FAT3: variants seen among roughly 807,000 people sequenced by gnomAD.
FAT3 encodes the protein protocadherin Fat 3.
A neutral mutation model predicts 310.2 loss-of-function variants in FAT3; 95 were observed. The ratio of observed to expected loss-of-function variants is 0.31; its 90% CI spans 0.26 to 0.36. The LOEUF (loss-of-function observed/expected upper bound fraction) is 0.36, where lower values mean the gene tolerates loss of function less well. FAT3 is among the 10% of genes least tolerant of loss of function. The pLI, the probability that FAT3 is intolerant of heterozygous loss-of-function variation, is 1.00. For missense variants in FAT3, 5,408 were observed against 5,715.6 expected (o/e 0.95, Z 1.74); for synonymous variants, 2,314 against 2,192.9 (o/e 1.06, Z -1.54).
intron 2 of FAT3, among the ~76,000 whole-genome samples, chr11:92,418,767 T>A (rs2134967578): frequency 6.6e-6 from 1 of 152,270 alleles, no homozygotes; most frequent in African/African-American, 2.4e-5. Context: ...TGGATTCTTT[T>A]CTGAATCAAA....
intron 1 of FAT3, among the ~76,000 whole-genome samples, chr11:92,311,070 A>G (rs1019452851): frequency 6.6e-6 from 1 of 151,924 alleles, no homozygotes; most frequent in African/African-American, 2.4e-5. Context: ...ATATGTGTAC[A>G]TATACACACA....
intron 1 of FAT3, among the ~76,000 whole-genome samples, chr11:92,233,091 A>G (rs568981316): frequency 4.6e-5 from 7 of 152,322 alleles, no homozygotes; most frequent in Non-Finnish European, 1.0e-4. Flanking sequence ...TTTGATGATT[A>G]TAAGTGCCTG....
Position 92,685,247 on chromosome 11 carries a change from A to G in FAT3, c.3608-12137A>G, listed in dbSNP as rs1943598166. Among the ~76,000 whole-genome samples the G allele has an allele frequency of 2.0e-5, 3 of 152,240 alleles. No individual in the cohort carries two copies. In the South Asian group the frequency reaches 6.2e-4, roughly 31 times the overall value. On this transcript the variant is annotated intron_variant, in intron 3 of 27. Coordinates refer to ENST00000525166, the MANE Select transcript of FAT3 (RefSeq NM_001367949.2). ...GAGGAATAAAATACATATCAAAAAGAATCAAGATAAACTCATTAGCACTGG... is the reference window on the plus strand; with the variant it reads ...GAGGAATAAAATACATATCAAAAAGGATCAAGATAAACTCATTAGCACTGG...
At position 92,354,551 on chromosome 11, in the gene FAT3, A is replaced by T. The variant is rs372363680; in HGVS notation, c.2439A>T (p.Ser813=). The part of the protein sequence containing the change: ...IYDLGNPQKS[S]WRLLTINVED... ...ACTTAGGTAATCCACAGAAATCGTC[A>T]TGGAGACTGCTGACCATCAATGTGG... is the stretch of plus-strand genomic sequence containing the variant. Residue 813 remains serine (S), a synonymous_variant, in exon 2 of 28, where the codon TCA becomes TCT. Coordinates refer to ENST00000525166, the MANE Select transcript of FAT3 (RefSeq NM_001367949.2). 1.4e-5 allele frequency: 23 copies of T among 1,613,788 alleles called. No homozygotes were observed. The highest frequency in any genetic ancestry group is 1.8e-5 in the Non-Finnish European group (21 of 1,179,878).
intron 3 of FAT3, among the ~76,000 whole-genome samples, chr11:92,548,239 G>C (rs1265891747): frequency 6.6e-6 from 1 of 152,108 alleles, no homozygotes; most frequent in Non-Finnish European, 1.5e-5. Flanking sequence ...TGCCCCTCAG[G>C]AAAATGGAGA....
rs757999627 is a variant in FAT3 at position 92,798,409 on chromosome 11, G to A, written c.5396G>A (p.Arg1799Gln). 60 of 1,612,884 alleles carry A rather than the reference G, an allele frequency of 3.7e-5. No individual in the cohort carries two copies. The highest frequency in any genetic ancestry group is 5.0e-5 in the Admixed American group (3 of 59,944). Residue 1799 changes from arginine (R) to glutamine (Q), a missense_variant, in exon 10 of 28, where the codon CGA (arginine) becomes CAA (glutamine). Around this residue, in one of 5 missense-constraint regions of FAT3, gnomAD observed 4,588 missense variants for 4,809.8 expected, o/e 0.95. Coordinates refer to ENST00000525166, the MANE Select transcript of FAT3 (RefSeq NM_001367949.2). ...RSLDNSPLVI[R>Q]ATDADSNRNA... ...TTGGATAACAGCCCACTGGTGATTC[G>A]AGCCACAGATGCTGACAGCAACCGG...
At chr11:92,823,546 A>G (rs1434627835) in intron 13 of FAT3, among the ~76,000 whole-genome samples, 1 of 152,186 alleles carries the variant, frequency 6.6e-6, no homozygotes, top group Admixed American at 6.5e-5. Flanking sequence ...TGTTTAAACA[A>G]GAGTCCCTGT....
chr11:92,828,127 T>A (rs1369386992), intron 13 of FAT3, among the ~76,000 whole-genome samples: 1 of 151,860 alleles, frequency 6.6e-6, no homozygotes, highest in Non-Finnish European at 1.5e-5. Flanking sequence ...CTTGGGTTCA[T>A]CATTTCTGCT....
intron 1 of FAT3, among the ~76,000 whole-genome samples, chr11:92,268,228 G>T (rs1347999260): frequency 6.6e-6 from 1 of 152,012 alleles, no homozygotes; most frequent in Non-Finnish European, 1.5e-5. Flanking sequence ...AGAGGTTGAG[G>T]ACCTTGCCCA....
intron 4 of FAT3, among the ~76,000 whole-genome samples, chr11:92,758,935 G>T (rs1157253866): frequency 1.3e-5 from 2 of 151,942 alleles, no homozygotes; most frequent in African/African-American, 4.8e-5. Context: ...AAAGGAGGAG[G>T]TTTGAGGGTA....
chr11:92,274,524 T>C (rs2134345063), intron 1 of FAT3, among the ~76,000 whole-genome samples: 3 of 152,172 alleles, frequency 2.0e-5, no homozygotes, highest in Admixed American at 2.0e-4. Context: ...TTTCAACTCT[T>C]GTCTTCTGTA....
In FAT3 at chr11:92,531,863, G is replaced by A. The variant is rs555013380; in HGVS notation, c.3607+6915G>A. On this transcript the variant is annotated intron_variant, in intron 3 of 27. Coordinates refer to ENST00000525166, the MANE Select transcript of FAT3 (RefSeq NM_001367949.2). ...TGGTCACATAATTCTTCGTCGTGGG[G>A]AGCTGTTCTATATGTTATATAAGAT... Among the ~76,000 whole-genome samples the A allele has an allele frequency of 3.3e-5, 5 of 152,156 alleles. 1 individual carries two copies. The East Asian group carries it at 7.7e-4, about 24-fold the overall frequency.
chr11:92,863,785 A>G (rs3847552), intron 21 of FAT3, among the ~76,000 whole-genome samples: 115,221 of 152,176 alleles, frequency 0.76, 44,098 homozygotes, highest in South Asian at 0.9. Context: ...ATTTTCCAGT[A>G]TAAGAGAACA....
intron 4 of FAT3, among the ~76,000 whole-genome samples, chr11:92,703,761 C>T (rs988547175): frequency 2.0e-5 from 3 of 152,236 alleles, no homozygotes; most frequent in Admixed American, 6.5e-5. Flanking sequence ...GGGCCAAGTA[C>T]TAAGGTTTTC....
chr11:92,513,363 A>G (rs889772799), intron 2 of FAT3, among the ~76,000 whole-genome samples: 2 of 152,198 alleles, frequency 1.3e-5, no homozygotes, highest in African/African-American at 2.4e-5. Context: ...AATCTTATAC[A>G]GGTCCAAGGA....
chr11:92,524,807 G>A lies in FAT3; in HGVS notation c.3466G>A (p.Val1156Ile). Reference protein sequence around the residue: ...PLTSEPIYYPVVMENSPKDVS... With the variant: ...PLTSEPIYYPIVMENSPKDVS... ...GACCTCAGAACCTATATATTATCCTGTTGTCATGGAAAACTCTCCAAAGGA... is the reference window on the plus strand; with the variant it reads ...GACCTCAGAACCTATATATTATCCTATTGTCATGGAAAACTCTCCAAAGGA... Residue 1156 changes from valine to isoleucine, a missense_variant, in exon 3 of 28, where the codon GTT (valine) becomes ATT (isoleucine). Around this residue, in one of 5 missense-constraint regions of FAT3, gnomAD observed 4,588 missense variants for 4,809.8 expected, o/e 0.95. Coordinates refer to ENST00000525166, the MANE Select transcript of FAT3 (RefSeq NM_001367949.2). 5.6e-6 allele frequency: 9 copies of A among 1,613,690 alleles called. No homozygotes were observed. Among genetic ancestry groups the A allele is most frequent in the Non-Finnish European group, 7.6e-6 (9 of 1,179,796 alleles).
chr11:92,387,439 A>G (rs1252017128), intron 2 of FAT3, among the ~76,000 whole-genome samples: 1 of 152,058 alleles, frequency 6.6e-6, no homozygotes, highest in Non-Finnish European at 1.5e-5. Context: ...GGTGGGATAG[A>G]CTGGGGCCAG....
chr11:92,439,135 G>A (rs529580409), intron 2 of FAT3, among the ~76,000 whole-genome samples: 1 of 152,072 alleles, frequency 6.6e-6, no homozygotes, highest in Admixed American at 6.6e-5. Context: ...TGTATTATTG[G>A]ATTCTCTGAT....
intron 2 of FAT3, among the ~76,000 whole-genome samples, chr11:92,373,471 G>T (rs530264320): frequency 4.7e-4 from 71 of 152,038 alleles, no homozygotes; most frequent in Admixed American, 2.1e-3. Flanking sequence ...GGTATGTTTG[G>T]ATCTTTTTGT....
Sources: gnomAD v4.1 joint callset for allele counts (sites outside exome capture counted in the v4.1 genomes callset) on GRCh38, gnomAD v4.1.1 for gene constraint, gnomAD v4.1.1 regional missense constraint, MANE v1.5 for transcripts, NCBI Gene and HGNC (gene_info 2026-07-23, HGNC 2026-07-21) for gene names.